The following MBNL2 variants were observed in gnomAD, a reference collection of about 807,000 sequenced individuals.
The protein encoded by MBNL2 is muscleblind like splicing regulator 2, also known as muscleblind-like protein 2.
In MBNL2, 17 loss-of-function variants were observed where a neutral mutation model predicts 41.9. The ratio of observed to expected loss-of-function variants is 0.41; its 90% CI spans 0.28 to 0.61. The LOEUF is 0.61. Among genes scored for constraint, MBNL2 ranks in the 20% least tolerant of loss-of-function variants. The pLI is 0.35. For synonymous variants in MBNL2, 195 were observed against 182.9 expected (o/e 1.07, Z -0.53); for missense variants, 336 against 505.6 (o/e 0.66, Z 3.22).
chr13:97,213,652 A>G, the MBNL2 span, among the ~76,000 whole-genome samples: 1 of 152,130 alleles, frequency 6.6e-6, no homozygotes. Flanking sequence ...TCCCATCTAC[A>G]TCTTGCTTAT....
chr13:97,310,280 A>G (rs1202869530), intron 2 of MBNL2, among the ~76,000 whole-genome samples: 1 of 152,192 alleles, frequency 6.6e-6, no homozygotes, highest in East Asian at 1.9e-4. Flanking sequence ...ATTGTCCTGG[A>G]TCATCTTAGA....
intron 2 of MBNL2, among the ~76,000 whole-genome samples, chr13:97,300,078 A>G (rs2057467445): frequency 6.6e-6 from 1 of 152,194 alleles, no homozygotes. Flanking sequence ...TGATACAGCC[A>G]GGTCCCAACC....
At chr13:97,349,993 G>GTGAT (rs560591518) in intron 5 of MBNL2, among the ~76,000 whole-genome samples, 314 of 152,304 alleles carry the variant, frequency 2.1e-3, no homozygotes, top group African/African-American at 6.0e-3. Context: ...ACAGGATGCT[G>GTGAT]TGATTGACTC....
In MBNL2 at chr13:97,268,158, G is replaced by A. The variant is rs1461422920; in HGVS notation, c.-604-7474G>A. The stretch of plus-strand genomic sequence containing the variant: ...CATCCAGGCTAGAGTGCAGTGGCAC[G>A]ATCTTGGCTCACTGCAACCTCTGCC... On this transcript the variant is annotated intron_variant, in intron 1 of 8. Transcript: ENST00000679496. This position sits in a 1 kb window ranked among gnomAD's most constrained non-coding sequence, Gnocchi z 4.6. Among the ~76,000 whole-genome samples, 3 of 152,162 alleles carry A rather than the reference G, an allele frequency of 2.0e-5. No individual in the cohort carries two copies. Among genetic ancestry groups the A allele is most frequent in the East Asian group, 1.9e-4 (1 of 5,182 alleles).
chr13:97,142,695 C>G, the MBNL2 span, among the ~76,000 whole-genome samples: 1 of 152,198 alleles, frequency 6.6e-6, no homozygotes, highest in Admixed American at 6.5e-5. Context: ...ACCTCCGCTT[C>G]CGCTTCCTGT....
chr13:97,389,697 C>A (rs1364406000), intron 8 of MBNL2, among the ~76,000 whole-genome samples: 1 of 150,386 alleles, frequency 6.6e-6, no homozygotes, highest in Admixed American at 6.6e-5. Flanking sequence ...CAGAGGGAGA[C>A]CCTGTCTCAA....
At chr13:97,389,497 G>GT (rs2066219730) in intron 8 of MBNL2, among the ~76,000 whole-genome samples, 1 of 152,110 alleles carries the variant, frequency 6.6e-6, no homozygotes, top group South Asian at 2.1e-4. Context: ...GAGCCTAGGA[G>GT]TTTGAGACAA....
At chr13:97,254,125 G>T (rs1192863612) in intron 1 of MBNL2, among the ~76,000 whole-genome samples, 1 of 152,158 alleles carries the variant, frequency 6.6e-6, no homozygotes, top group East Asian at 1.9e-4. Flanking sequence ...GACCTCAGGT[G>T]ATCTGCCTCC....
Position 97,346,654 on chromosome 13 carries a change from G to A in MBNL2, c.541-150G>A. The stretch of plus-strand genomic sequence containing the variant: ...ACTGTGTCAGAGATTGTGGTTACCT[G>A]GGCTCCGCATAATCAATCTTTTCTT... On this transcript the variant is annotated intron_variant, in intron 4 of 8. Coordinates refer to ENST00000679496, the MANE Select transcript of MBNL2 (RefSeq NM_001382683.1). This position sits in a 1 kb window ranked among gnomAD's most constrained non-coding sequence, Gnocchi z 4.2. 1.7e-6 allele frequency: 1 copy of A among 597,588 alleles called. No individual in the cohort carries two copies. Among genetic ancestry groups the A allele is most frequent in the Non-Finnish European group, 2.9e-6 (1 of 342,786 alleles). The allele number at this position is 597,588 out of a possible 1,614,324, so 37.0% of individuals were successfully genotyped here.
the MBNL2 span, among the ~76,000 whole-genome samples, chr13:97,156,532 T>G: frequency 6.6e-5 from 9 of 137,192 alleles, no homozygotes; most frequent in East Asian, 8.9e-4. Flanking sequence ...GTTTTAGGTC[T>G]AACGTTTAAG....
chr13:97,321,184 C>G (rs926887072), intron 2 of MBNL2, among the ~76,000 whole-genome samples: 1 of 152,120 alleles, frequency 6.6e-6, no homozygotes, highest in Non-Finnish European at 1.5e-5. Flanking sequence ...GGCCTTGTCA[C>G]AGTATATTTA....
At chr13:97,286,769 C>A (rs1228046734) in intron 2 of MBNL2, among the ~76,000 whole-genome samples, 1 of 152,204 alleles carries the variant, frequency 6.6e-6, no homozygotes, top group Non-Finnish European at 1.5e-5. Flanking sequence ...TTCCAGGGAA[C>A]TGCAAGCCTC....
intron 2 of MBNL2, among the ~76,000 whole-genome samples, chr13:97,302,101 C>T (rs1215611227): frequency 6.6e-6 from 1 of 152,212 alleles, no homozygotes; most frequent in Non-Finnish European, 1.5e-5. Context: ...CTGCAACTAT[C>T]TCCCCTTGCT....
At chr13:97,217,903 GA>G (rs1013786619), upstream of MBNL2, among the ~76,000 whole-genome samples, 1 of 151,874 alleles carries the variant, frequency 6.6e-6, no homozygotes, top group Non-Finnish European at 1.5e-5. Context: ...GAGAGGAGTG[GA>G]TAGATTCCAG....
intron 1 of MBNL2, among the ~76,000 whole-genome samples, 173 bp from the exon 2 acceptor site, chr13:97,275,459 G>A (rs748943198): frequency 2.6e-5 from 4 of 152,090 alleles, no homozygotes; most frequent in African/African-American, 4.8e-5. Context: ...TCTGCAATAC[G>A]GTTTCCGTTG....
chr13:97,325,785 T>C (rs572620391), intron 2 of MBNL2, among the ~76,000 whole-genome samples: 1 of 152,352 alleles, frequency 6.6e-6, no homozygotes, highest in Non-Finnish European at 1.5e-5. Context: ...AATGGCAAAC[T>C]ACAAACAATT....
intron 1 of MBNL2, among the ~76,000 whole-genome samples, chr13:97,238,596 C>T (rs1353368013): frequency 6.6e-6 from 1 of 152,168 alleles, no homozygotes; most frequent in Non-Finnish European, 1.5e-5. Context: ...CGCCTCTGAC[C>T]TTTGGGAAAG....
intron 2 of MBNL2, among the ~76,000 whole-genome samples, chr13:97,277,985 G>A (rs542869526): frequency 1.3e-5 from 2 of 152,092 alleles, no homozygotes; most frequent in South Asian, 4.2e-4. Flanking sequence ...GCCGGGCATG[G>A]TGGCTCACAC....
the MBNL2 span, among the ~76,000 whole-genome samples, chr13:97,160,989 T>G: frequency 6.6e-6 from 1 of 152,180 alleles, no homozygotes; most frequent in Non-Finnish European, 1.5e-5. Flanking sequence ...ATTTGTTGGT[T>G]GTCAAATTGT....
Sources: allele counts gnomAD v4.1 joint callset (sites outside exome capture counted in the v4.1 genomes callset), GRCh38; gene constraint gnomAD v4.1.1; non-coding constraint Gnocchi (gnomAD v3.1); transcripts MANE v1.5; gene names NCBI Gene and HGNC (gene_info 2026-07-23, HGNC 2026-07-21).